The following EDIL3 variants were observed in gnomAD, a reference collection of about 807,000 sequenced individuals.
The protein encoded by EDIL3 is EGF-like repeat and discoidin I-like domain-containing protein 3.
A neutral mutation model predicts 67.4 loss-of-function variants in EDIL3; 37 were observed. The observed-to-expected ratio is 0.55, with a 90% confidence interval of 0.42 to 0.72. The LOEUF (loss-of-function observed/expected upper bound fraction) is 0.72, where lower values mean the gene tolerates loss of function less well. Among genes scored for constraint, EDIL3 ranks in the 30% least tolerant of loss-of-function variants. The pLI, the probability that EDIL3 is intolerant of heterozygous loss-of-function variation, is 0.00. For synonymous variants in EDIL3, 195 were observed against 196.3 expected (o/e 0.99, Z 0.05); for missense variants, 527 against 586.3 (o/e 0.90, Z 1.04).
chr5:84,120,629 T>C (rs907640560), intron 5 of EDIL3, among the ~76,000 whole-genome samples: 8 of 151,790 alleles, frequency 5.3e-5, no homozygotes, highest in African/African-American at 1.7e-4. Flanking sequence ...AAATTAGAAA[T>C]TCCTAACCTT....
At chr5:84,080,115 C>CAAAAAAAAAAAAAAAA (rs10566347) in intron 6 of EDIL3, among the ~76,000 whole-genome samples, 1 of 52,956 alleles carries the variant, frequency 1.9e-5, no homozygotes, top group Non-Finnish European at 3.4e-5. Context: ...ACTAAAAATA[C>CAAAAAAAAAAAAAAAA]AAAAAAAAAA....
At chr5:84,349,995 T>C (rs780597525) in intron 1 of EDIL3, among the ~76,000 whole-genome samples, 5 of 152,104 alleles carry the variant, frequency 3.3e-5, no homozygotes, top group Admixed American at 6.6e-5. Context: ...TTTCTACAAA[T>C]GAAGAAACTG....
chr5:84,127,933 G>A (rs1430757570), intron 5 of EDIL3, among the ~76,000 whole-genome samples: 1 of 152,036 alleles, frequency 6.6e-6, no homozygotes, highest in Non-Finnish European at 1.5e-5. Context: ...ATAACTAGCT[G>A]TACTATCTTA....
At chr5:84,124,695 A>T (rs1283525355) in intron 5 of EDIL3, among the ~76,000 whole-genome samples, 2 of 151,884 alleles carry the variant, frequency 1.3e-5, no homozygotes, top group Non-Finnish European at 2.9e-5. Context: ...GAACAAAAAA[A>T]AATAGTTTTA....
intron 2 of EDIL3, among the ~76,000 whole-genome samples, chr5:84,247,147 T>C (rs1034486215): frequency 1.1e-4 from 17 of 152,122 alleles, no homozygotes; most frequent in African/African-American, 4.1e-4. Context: ...ATAGCTCTCA[T>C]TATGGTAACT....
At chr5:84,110,579 A>C (rs1747542773) in intron 5 of EDIL3, among the ~76,000 whole-genome samples, 1 of 152,186 alleles carries the variant, frequency 6.6e-6, no homozygotes, top group Non-Finnish European at 1.5e-5. Flanking sequence ...TGAAAAGTGT[A>C]CCCACATGTG....
chr5:84,009,107 T>C (rs904044978), intron 9 of EDIL3, among the ~76,000 whole-genome samples: 4 of 152,178 alleles, frequency 2.6e-5, no homozygotes, highest in African/African-American at 9.6e-5. Context: ...CCACCGCACA[T>C]GGCCACTTCA....
At chr5:83,989,319 C>A (rs1554062270) in intron 9 of EDIL3, among the ~76,000 whole-genome samples, 2 of 152,162 alleles carry the variant, frequency 1.3e-5, no homozygotes, top group Non-Finnish European at 2.9e-5. Context: ...CCCCTGCCCC[C>A]ACCCCCATGA....
At chr5:84,321,100 A>G (rs1746638805) in intron 1 of EDIL3, among the ~76,000 whole-genome samples, 2 of 152,138 alleles carry the variant, frequency 1.3e-5, no homozygotes, top group Admixed American at 1.3e-4. Flanking sequence ...AATCATAGTG[A>G]TATTTTCCTA....
chr5:84,032,033 G>T (rs1317295953), intron 9 of EDIL3, among the ~76,000 whole-genome samples: 1 of 152,120 alleles, frequency 6.6e-6, no homozygotes, highest in Non-Finnish European at 1.5e-5. Flanking sequence ...TCTCAGAAAA[G>T]AATTCAGGTA....
intron 1 of EDIL3, among the ~76,000 whole-genome samples, chr5:84,293,602 C>G (rs767076232): frequency 2.0e-5 from 3 of 151,968 alleles, no homozygotes; most frequent in Non-Finnish European, 2.9e-5. Flanking sequence ...TAAATTAAAG[C>G]TGGCAAATCT....
chr5:84,107,129 C>A (rs1423215651), intron 5 of EDIL3, among the ~76,000 whole-genome samples: 3 of 152,060 alleles, frequency 2.0e-5, no homozygotes, highest in Non-Finnish European at 4.4e-5. Context: ...TCAACAAAAG[C>A]ATAATGCTCT....
chr5:84,384,415 G>T lies in EDIL3; in HGVS notation c.-41C>A. 1 of 1,607,436 alleles carries T rather than the reference G, an allele frequency of 6.2e-7. No individual in the cohort carries two copies. The highest frequency in any genetic ancestry group is 8.5e-7 in the Non-Finnish European group (1 of 1,175,526). On this transcript the variant is annotated 5_prime_UTR_variant, in exon 1 of 11. Transcript: ENST00000296591. ...ACGTGACCCCGGCTGGTCAGGGGTC[G>T]TCGCGGAGGGCAGTGTAGCCGAGGT...
At chr5:84,302,064 C>A (rs901064914) in intron 1 of EDIL3, among the ~76,000 whole-genome samples, 3 of 151,982 alleles carry the variant, frequency 2.0e-5, no homozygotes, top group Non-Finnish European at 2.9e-5. Flanking sequence ...TGACTATACA[C>A]GTATATAGAA....
chr5:84,315,670 G>A (rs1007240427), intron 1 of EDIL3, among the ~76,000 whole-genome samples: 7 of 150,792 alleles, frequency 4.6e-5, no homozygotes, highest in Admixed American at 2.0e-4. Flanking sequence ...AATGTGTAGA[G>A]CACCGAAAAC....
intron 9 of EDIL3, among the ~76,000 whole-genome samples, chr5:84,036,002 C>T (rs1746016075): frequency 6.6e-6 from 1 of 152,220 alleles, no homozygotes; most frequent in Non-Finnish European, 1.5e-5. Flanking sequence ...ATGTGATAAA[C>T]ATCTGTTGCA....
At chr5:84,366,637 TG>T (rs1747742077) in intron 1 of EDIL3, among the ~76,000 whole-genome samples, 1 of 152,228 alleles carries the variant, frequency 6.6e-6, no homozygotes, top group Admixed American at 6.6e-5. Context: ...ACTGTTCTAT[TG>T]TATCAGAAAT....
intron 9 of EDIL3, among the ~76,000 whole-genome samples, chr5:83,970,256 TTA>T (rs60143474): frequency 0.46 from 58,985 of 128,036 alleles, 14,655 homozygotes; most frequent in Non-Finnish European, 0.56. Context: ...GTGTCACTAA[TTA>T]TATATATATA....
intron 1 of EDIL3, among the ~76,000 whole-genome samples, chr5:84,317,854 G>A (rs1746547639): frequency 6.6e-6 from 1 of 152,084 alleles, no homozygotes; most frequent in Non-Finnish European, 1.5e-5. Context: ...ATTTGATTAG[G>A]AAAAGAATAA....
Sources: gnomAD v4.1 joint callset for allele counts (sites outside exome capture counted in the v4.1 genomes callset) on GRCh38, gnomAD v4.1.1 for gene constraint, MANE v1.5 for transcripts, NCBI Gene and HGNC (gene_info 2026-07-23, HGNC 2026-07-21) for gene names.